Variants in C2orf76 observed in about 807,000 individuals in gnomAD.
C2orf76 encodes the protein chromosome 2 open reading frame 76, also known as UPF0538 protein C2orf76.
In C2orf76, 23 loss-of-function variants were observed where a neutral mutation model predicts 16.9. The ratio of observed to expected loss-of-function variants is 1.36; its 90% CI spans 0.98 to 1.93. The LOEUF (loss-of-function observed/expected upper bound fraction) is 1.93, where lower values mean the gene tolerates loss of function less well. C2orf76 is among the 30% of genes most tolerant of loss of function. The pLI is 0.00. For synonymous variants in C2orf76, 48 were observed against 52.3 expected, an observed-to-expected ratio of 0.92 and a Z score of 0.35; for missense variants, 152 against 152.6, an observed-to-expected ratio of 1.00 and a Z score of 0.02.
Position 119,311,717 on chromosome 2 carries a change from A to AG in C2orf76, c.223-15dup. 1 of 1,590,668 alleles carries AG rather than the reference A, an allele frequency of 6.3e-7. No individual in the cohort carries two copies. Among genetic ancestry groups the AG allele is most frequent in the Non-Finnish European group, 8.5e-7 (1 of 1,170,420 alleles). On this transcript the variant is annotated splice_polypyrimidine_tract_variant and intron_variant, in intron 4 of 5. Transcript: ENST00000334816. ...AAGTTCATTTGTCTAAAAAAAAAAA[A>AG]GAAAATCTGCATTTTATCAGTACTT...
At chr2:119,299,033 C>T (rs55912830), downstream of C2orf76, among the ~76,000 whole-genome samples, 47,522 of 151,946 alleles carry the variant, frequency 0.31, 7,876 homozygotes, top group Non-Finnish European at 0.38. Context: ...CTCCCACCTC[C>T]GCCTCCCAAG....
intron 1 of C2orf76, among the ~76,000 whole-genome samples, chr2:119,355,890 C>T (rs1680555308): frequency 6.6e-6 from 1 of 152,184 alleles, no homozygotes. Flanking sequence ...AATACACATA[C>T]TTTTCAAGTA....
chr2:119,343,860 G>A (rs1229079342), intron 1 of C2orf76, among the ~76,000 whole-genome samples: 2 of 152,134 alleles, frequency 1.3e-5, no homozygotes, highest in East Asian at 1.9e-4. Flanking sequence ...CTCACACACA[G>A]GATCTCAATA....
At position 119,311,713 on chromosome 2, in the gene C2orf76, A is replaced by G. The variant is rs770339965; in HGVS notation, c.223-10T>C. The G allele has an allele frequency of 1.2e-6, 2 of 1,602,662 alleles. No individual in the cohort carries two copies. The highest frequency in any genetic ancestry group is 8.5e-7 in the Non-Finnish European group (1 of 1,178,064). On this transcript the variant is annotated splice_polypyrimidine_tract_variant and intron_variant, in intron 4 of 5. Coordinates refer to ENST00000334816, the MANE Select transcript of C2orf76 (RefSeq NM_001322331.2). ...ACACAAGTTCATTTGTCTAAAAAAAAAAAAGAAAATCTGCATTTTATCAGT... is the reference window on the plus strand; with the variant it reads ...ACACAAGTTCATTTGTCTAAAAAAAGAAAAGAAAATCTGCATTTTATCAGT...
chr2:119,305,251 G>C (rs1282915597), intron 5 of C2orf76, among the ~76,000 whole-genome samples: 1 of 151,900 alleles, frequency 6.6e-6, no homozygotes, highest in Non-Finnish European at 1.5e-5. Context: ...TCAAACTTTG[G>C]ATATAAAATT....
Position 119,325,401 on chromosome 2 carries a change from G to A in C2orf76, c.134-4197C>T, listed in dbSNP as rs184463468. On this transcript the variant is annotated intron_variant, in intron 2 of 5. Coordinates refer to ENST00000334816, the MANE Select transcript of C2orf76 (RefSeq NM_001322331.2). ...CTTGAACCCAGGAGGCAGCGGTTGC[G>A]GTGAGCCGAGATCTTGCCATTGTAC... Among the ~76,000 whole-genome samples the A allele has an allele frequency of 9.4e-5, 14 of 148,656 alleles. No homozygotes were observed. The East Asian group carries it at 1.4e-3, about 15-fold the overall frequency.
In C2orf76 at chr2:119,326,734, T is replaced by C. The variant is rs183704528; in HGVS notation, c.134-5530A>G. On this transcript the variant is annotated intron_variant, in intron 2 of 5. Coordinates refer to ENST00000334816, the MANE Select transcript of C2orf76 (RefSeq NM_001322331.2). ...CTCTCCATTTACTTAGGTCTCTAAA[T>C]TTCTCTCAGTGATATTTAAAGTTTT... Among the ~76,000 whole-genome samples the C allele has an allele frequency of 2.0e-5, 3 of 152,318 alleles. No homozygotes were observed. In the East Asian group the frequency reaches 5.8e-4, roughly 29 times the overall value.
the C2orf76 span, among the ~76,000 whole-genome samples, chr2:119,295,519 AC>A: frequency 6.6e-6 from 1 of 151,122 alleles, no homozygotes; most frequent in Non-Finnish European, 1.5e-5. Flanking sequence ...AGCCCTCACC[AC>A]CCTCCATCCC....
the C2orf76 span, among the ~76,000 whole-genome samples, chr2:119,295,236 C>T: frequency 1.7e-4 from 26 of 151,984 alleles, no homozygotes; most frequent in African/African-American, 5.8e-4. Flanking sequence ...GAGATAGCTG[C>T]GGTCAGCCAG....
intron 3 of C2orf76, among the ~76,000 whole-genome samples, chr2:119,318,145 C>A (rs1679233347): frequency 6.6e-6 from 1 of 152,202 alleles, no homozygotes; most frequent in African/African-American, 2.4e-5. Flanking sequence ...ACACTGTGCA[C>A]TTCCAGTAAG....
chr2:119,330,268 T>A (rs924554776), intron 2 of C2orf76, among the ~76,000 whole-genome samples: 5 of 151,770 alleles, frequency 3.3e-5, no homozygotes, highest in Admixed American at 6.6e-5. Flanking sequence ...TCCCAGCTAC[T>A]TGGGAGGCTG....
At chr2:119,346,776 T>C (rs1279036138) in intron 1 of C2orf76, among the ~76,000 whole-genome samples, 3 of 152,124 alleles carry the variant, frequency 2.0e-5, no homozygotes, top group Admixed American at 1.3e-4. Context: ...ACTAAATGCA[T>C]ACACACACAG....
At chr2:119,329,437 T>C (rs1262764412) in intron 2 of C2orf76, among the ~76,000 whole-genome samples, 2 of 152,088 alleles carry the variant, frequency 1.3e-5, no homozygotes, top group Non-Finnish European at 2.9e-5. Flanking sequence ...AACATATAAT[T>C]GGGACTTCCT....
intron 1 of C2orf76, among the ~76,000 whole-genome samples, chr2:119,355,649 G>A (rs1388331378): frequency 6.6e-6 from 1 of 152,140 alleles, no homozygotes; most frequent in African/African-American, 2.4e-5. Flanking sequence ...ATTGTGAACT[G>A]AGCATATGAG....
the C2orf76 span, among the ~76,000 whole-genome samples, chr2:119,293,859 A>G: frequency 6.6e-6 from 1 of 152,200 alleles, no homozygotes; most frequent in Non-Finnish European, 1.5e-5. Flanking sequence ...AAGACTGAGC[A>G]TGGTCCACCC....
At chr2:119,293,984 G>A in the C2orf76 span, among the ~76,000 whole-genome samples, 5,901 of 152,200 alleles carry the variant, frequency 0.039, 364 homozygotes, top group African/African-American at 0.13. Context: ...GGACTCCAGC[G>A]GGCAGCTGGG....
the C2orf76 span, among the ~76,000 whole-genome samples, chr2:119,294,195 G>A: frequency 6.6e-6 from 1 of 152,142 alleles, no homozygotes; most frequent in African/African-American, 2.4e-5. Flanking sequence ...AGCGAAGCAA[G>A]TGTTGGCAAG....
At chr2:119,340,789 CACACACACACACAA>C (rs757100042) in intron 1 of C2orf76, among the ~76,000 whole-genome samples, 1 of 143,166 alleles carries the variant, frequency 7.0e-6, no homozygotes, top group African/African-American at 2.6e-5. Flanking sequence ...CACACACACA[CACACACACACACAA>C]ATTGGAAAAC....
intron 1 of C2orf76, among the ~76,000 whole-genome samples, chr2:119,344,106 A>G (rs1170630606): frequency 1.3e-5 from 2 of 152,240 alleles, no homozygotes; most frequent in Admixed American, 6.5e-5. Context: ...TTTCCATTTA[A>G]AACCCCAAAA....
Sources: gnomAD v4.1 joint callset for allele counts (sites outside exome capture counted in the v4.1 genomes callset) on GRCh38, gnomAD v4.1.1 for gene constraint, MANE v1.5 for transcripts, NCBI Gene and HGNC (gene_info 2026-07-23, HGNC 2026-07-21) for gene names.